ASIC5: variants seen among roughly 807,000 people sequenced by gnomAD.
The protein encoded by ASIC5 is bile acid-sensitive ion channel.
Under a neutral mutation model 51.2 loss-of-function variants are expected in ASIC5, and 52 were observed. That is an observed-to-expected ratio of 1.02 (90% CI 0.81 to 1.28). ASIC5 has a LOEUF of 1.28. Ranked by LOEUF, ASIC5 falls within the 50% of genes most tolerant of loss-of-function variation. The probability of loss-of-function intolerance (pLI) is 0.00; values close to 1 mark genes in which losing one functional copy is unlikely to be tolerated. For synonymous variants in ASIC5, 231 were observed against 200.7 expected, an observed-to-expected ratio of 1.15 and a Z score of -1.28; for missense variants, 635 against 595.0, an observed-to-expected ratio of 1.07 and a Z score of -0.70.
chr4:155,830,960 C>T (rs1740858703), intron 9 of ASIC5, among the ~76,000 whole-genome samples: 1 of 152,140 alleles, frequency 6.6e-6, no homozygotes, highest in African/African-American at 2.4e-5. Context: ...ATATTTCCTC[C>T]ATATTCAGGG....
intron 6 of ASIC5, among the ~76,000 whole-genome samples, chr4:155,839,134 G>A (rs1278900174): frequency 6.6e-6 from 1 of 151,946 alleles, no homozygotes; most frequent in Non-Finnish European, 1.5e-5. Context: ...CTTTAAGCGG[G>A]AATAATAATT....
intron 4 of ASIC5, among the ~76,000 whole-genome samples, chr4:155,846,355 TTAC>T (rs1170120850): frequency 2.0e-5 from 3 of 152,126 alleles, no homozygotes; most frequent in African/African-American, 7.2e-5. Flanking sequence ...AGAATGATCA[TTAC>T]TTGTGTAGTT....
At chr4:155,842,092 T>C in intron 6 of ASIC5, 115 bp downstream of exon 6, 2 of 998,496 alleles carry the variant, frequency 2.0e-6, no homozygotes, top group East Asian at 4.9e-5. Flanking sequence ...TTACACTTAA[T>C]AATACTTAAT....
At chr4:155,855,995 T>A (rs762853839) in intron 2 of ASIC5, among the ~76,000 whole-genome samples, 1 of 152,066 alleles carries the variant, frequency 6.6e-6, no homozygotes, top group Non-Finnish European at 1.5e-5. Context: ...ATCTTGTCTC[T>A]CTGAAGAAGT....
intron 6 of ASIC5, among the ~76,000 whole-genome samples, chr4:155,839,188 TATC>T (rs1476586109): frequency 2.0e-5 from 3 of 152,306 alleles, no homozygotes; most frequent in Non-Finnish European, 2.9e-5. Flanking sequence ...CTTTCACAGT[TATC>T]ATCTCATTTG....
intron 2 of ASIC5, among the ~76,000 whole-genome samples, chr4:155,862,808 G>A (rs574098371): frequency 2.6e-5 from 4 of 152,210 alleles, no homozygotes; most frequent in Admixed American, 2.0e-4. Flanking sequence ...ATTTTATATC[G>A]TTATGTGTTT....
rs111812780 is a variant in ASIC5 at position 155,854,368 on chromosome 4, G to A, written c.348-54C>T. 2.7e-3 allele frequency: 3,238 copies of A among 1,180,820 alleles called. 59 individuals are homozygous for A. In the African/African-American group the frequency reaches 0.042, roughly 15 times the overall value. The allele number at this position is 1,180,820 out of a possible 1,614,324, so 73.1% of individuals were successfully genotyped here. A position where few individuals can be genotyped will look rare whatever the true frequency, so the allele number is the denominator to read the frequency against. ...GAATAATGAAAACTTATAATTATCT[G>A]GAAGACAGATACCAACATCTAGATT... On this transcript the variant is annotated intron_variant, in intron 2 of 9. Coordinates refer to ENST00000537611, the MANE Select transcript of ASIC5 (RefSeq NM_017419.3).
chr4:155,831,104 G>A (rs1441339257), intron 9 of ASIC5, among the ~76,000 whole-genome samples: 1 of 152,180 alleles, frequency 6.6e-6, no homozygotes, highest in Non-Finnish European at 1.5e-5. Flanking sequence ...CTGTGGAGAA[G>A]GCAAGTGAGC....
At chr4:155,836,548 G>C (rs1740984194) in intron 8 of ASIC5, 141 bp downstream of exon 8, 2 of 517,450 alleles carry the variant, frequency 3.9e-6, no homozygotes, top group East Asian at 6.1e-5. Flanking sequence ...AAAATTCTAT[G>C]GTTTCATTGT....
At chr4:155,834,292 C>T (rs1740931006) in intron 8 of ASIC5, among the ~76,000 whole-genome samples, 1 of 152,152 alleles carries the variant, frequency 6.6e-6, no homozygotes, top group Non-Finnish European at 1.5e-5. Context: ...CAAAAACATA[C>T]ACCTCCATGG....
At chr4:155,839,399 G>A (rs1301616285) in intron 6 of ASIC5, among the ~76,000 whole-genome samples, 1 of 150,838 alleles carries the variant, frequency 6.6e-6, no homozygotes, top group Non-Finnish European at 1.5e-5. Flanking sequence ...CTGACAGACT[G>A]CCATTCCAGA....
At position 155,863,532 on chromosome 4, in the gene ASIC5, A is replaced by T; in HGVS notation, c.263T>A (p.Phe88Tyr). The change falls in exon 2 of 10, where the codon TTC becomes TAC. Residue 88 changes from phenylalanine (F) to tyrosine (Y), a missense_variant. By Grantham distance (22) the Phe-to-Tyr change is conservative. Transcript: ENST00000537611. ...WQIYIRLLNY[F>Y]TWPTTTSIEV... ...AATGGACGTTGTGGTTGGCCATGTG[A>T]AGTAGTTGAGCAAGCGAATGTAGAT... 6 of 1,613,770 alleles carry T rather than the reference A, an allele frequency of 3.7e-6. No homozygotes were observed. Among genetic ancestry groups the T allele is most frequent in the Non-Finnish European group, 4.2e-6 (5 of 1,179,874 alleles).
At chr4:155,842,814 G>A (rs984752811) in intron 5 of ASIC5, among the ~76,000 whole-genome samples, 3 of 151,936 alleles carry the variant, frequency 2.0e-5, no homozygotes, top group Admixed American at 6.6e-5. Flanking sequence ...AATGAGGCTC[G>A]CGGGCAAATA....
intron 2 of ASIC5, among the ~76,000 whole-genome samples, chr4:155,861,447 T>G (rs1741703586): frequency 6.6e-6 from 1 of 152,008 alleles, no homozygotes; most frequent in Non-Finnish European, 1.5e-5. Context: ...TTATATCAGG[T>G]AACATATATT....
intron 2 of ASIC5, among the ~76,000 whole-genome samples, chr4:155,862,498 T>G (rs1741735883): frequency 6.6e-6 from 1 of 152,080 alleles, no homozygotes; most frequent in African/African-American, 2.4e-5. Flanking sequence ...AAGCCCTCCC[T>G]TCCTCAGCAA....
intron 4 of ASIC5, among the ~76,000 whole-genome samples, chr4:155,849,003 T>G (rs1741319073): frequency 6.6e-6 from 1 of 152,116 alleles, no homozygotes; most frequent in Admixed American, 6.6e-5. Flanking sequence ...TTGTGGATAT[T>G]CTTAACTTGT....
chr4:155,859,495 C>T (rs1420634183), intron 2 of ASIC5, among the ~76,000 whole-genome samples: 1 of 151,918 alleles, frequency 6.6e-6, no homozygotes, highest in Non-Finnish European at 1.5e-5. Flanking sequence ...AGTCACTTGG[C>T]AAAGTTTCTT....
intron 1 of ASIC5, among the ~76,000 whole-genome samples, chr4:155,865,589 T>C (rs1283543416): frequency 6.6e-6 from 1 of 152,146 alleles, no homozygotes; most frequent in Non-Finnish European, 1.5e-5. Flanking sequence ...AGTTTGCCTG[T>C]CAAAAATCAG....
intron 2 of ASIC5, among the ~76,000 whole-genome samples, chr4:155,862,772 G>A (rs972814058): frequency 2.6e-5 from 4 of 152,144 alleles, no homozygotes; most frequent in African/African-American, 9.6e-5. Flanking sequence ...ACTACATTAA[G>A]TAGCTCATCA....
Sources: gnomAD v4.1 joint callset for allele counts (sites outside exome capture counted in the v4.1 genomes callset) on GRCh38, gnomAD v4.1.1 for gene constraint, MANE v1.5 for transcripts, NCBI Gene and HGNC (gene_info 2026-07-23, HGNC 2026-07-21) for gene names.